STPG4: variants seen among roughly 807,000 people sequenced by gnomAD.
STPG4 encodes sperm-tail PG-rich repeat containing 4, also known as protein STPG4.
Under a neutral mutation model 31.5 loss-of-function variants are expected in STPG4, and 41 were observed. The ratio of observed to expected loss-of-function variants is 1.30; its 90% confidence interval spans 1.01 to 1.69. STPG4 has a LOEUF of 1.69. STPG4 is among the 40% of genes most tolerant of loss of function. The probability of loss-of-function intolerance (pLI) is 0.00; values close to 1 mark genes in which losing one functional copy is unlikely to be tolerated. For missense variants in STPG4, 375 were observed against 293.4 expected (o/e 1.28, Z -2.03); for synonymous variants, 141 against 103.0 (o/e 1.37, Z -2.24).
intron 5 of STPG4, among the ~76,000 whole-genome samples, chr2:47,107,587 C>A (rs1482582265): frequency 6.6e-6 from 1 of 152,210 alleles, no homozygotes; most frequent in South Asian, 2.1e-4. Flanking sequence ...TCCTGTGCAG[C>A]CCCAGCCTCC....
Position 47,127,414 on chromosome 2 carries a change from G to A in STPG4, c.519+2527C>T, listed in dbSNP as rs1001967569. Reference sequence around the variant, plus strand: ...CTCTCAAGTAGCAGGGATTACAGGTGTGCACCACCACACTCAGATGCTTTT... The same window carrying A: ...CTCTCAAGTAGCAGGGATTACAGGTATGCACCACCACACTCAGATGCTTTT... On this transcript the variant is annotated intron_variant, in intron 5 of 6. Transcript: ENST00000445927. Among the ~76,000 whole-genome samples the A allele has an allele frequency of 3.3e-5, 5 of 151,830 alleles. 1 individual carries two copies. The highest frequency in any genetic ancestry group is 2.6e-4 in the Admixed American group (4 of 15,240).
intron 4 of STPG4, 59 bp from the exon 5 acceptor site, chr2:47,130,054 G>C: frequency 6.8e-7 from 1 of 1,478,828 alleles, no homozygotes; most frequent in Non-Finnish European, 9.3e-7. Context: ...AAAGATCTTT[G>C]TTAACTTATT....
intron 3 of STPG4, among the ~76,000 whole-genome samples, chr2:47,137,335 G>C (rs1404750036): frequency 6.6e-6 from 1 of 152,110 alleles, no homozygotes; most frequent in Non-Finnish European, 1.5e-5. Flanking sequence ...AATCTCACTT[G>C]GTTGCGATGT....
chr2:47,155,098 G>C (rs576679293), intron 1 of STPG4, 73 bp downstream of exon 1: 1 of 1,420,516 alleles, frequency 7.0e-7, no homozygotes, highest in Non-Finnish European at 9.9e-7. Flanking sequence ...TGGGATTAGA[G>C]AGCGGTGGGA....
chr2:47,107,872 G>A (rs1685952361), intron 5 of STPG4, among the ~76,000 whole-genome samples: 1 of 152,154 alleles, frequency 6.6e-6, no homozygotes, highest in South Asian at 2.1e-4. Context: ...CAGGGTTTGT[G>A]AATGCATCAA....
intron 5 of STPG4, chr2:47,129,675 G>A (rs1187033093): frequency 5.7e-6 from 2 of 350,502 alleles, no homozygotes; most frequent in East Asian, 5.2e-5. Context: ...GGTAGTGTCA[G>A]TAATTCAAGA....
intron 6 of STPG4, among the ~76,000 whole-genome samples, chr2:47,087,808 G>A (rs1337668604): frequency 2.0e-5 from 3 of 151,946 alleles, no homozygotes; most frequent in Non-Finnish European, 2.9e-5. Context: ...AGTGTAGTGC[G>A]CGCTATCTCG....
chr2:47,154,909 G>C (rs1686998584), intron 1 of STPG4, among the ~76,000 whole-genome samples: 1 of 152,100 alleles, frequency 6.6e-6, no homozygotes, highest in Non-Finnish European at 1.5e-5. Flanking sequence ...GTAGTGGGAA[G>C]AAGGGAAAAA....
intron 5 of STPG4, among the ~76,000 whole-genome samples, chr2:47,095,992 T>C (rs932119083): frequency 9.2e-5 from 14 of 152,178 alleles, no homozygotes; most frequent in African/African-American, 3.4e-4. Context: ...AGGAGGAGTC[T>C]GATGCAGTAG....
chr2:47,122,095 T>A (rs1686284091), intron 5 of STPG4, among the ~76,000 whole-genome samples: 1 of 152,222 alleles, frequency 6.6e-6, no homozygotes, highest in African/African-American at 2.4e-5. Context: ...TCTCACACAC[T>A]TAAATGTTAG....
At chr2:47,091,519 G>T (rs2103724293) in intron 5 of STPG4, among the ~76,000 whole-genome samples, 1 of 152,096 alleles carries the variant, frequency 6.6e-6, no homozygotes, top group South Asian at 2.1e-4. Flanking sequence ...TTTTCAAATA[G>T]CTAGGGTTCC....
intron 3 of STPG4, among the ~76,000 whole-genome samples, chr2:47,141,030 G>A (rs765911782): frequency 1.1e-4 from 16 of 151,900 alleles, no homozygotes; most frequent in Non-Finnish European, 2.1e-4. Context: ...GTGACTACAG[G>A]TGTGTACCAC....
At chr2:47,127,268 T>G (rs1193953214) in intron 5 of STPG4, among the ~76,000 whole-genome samples, 1 of 112,534 alleles carries the variant, frequency 8.9e-6, no homozygotes, top group Non-Finnish European at 1.8e-5. Flanking sequence ...TTTTTTTTTT[T>G]TTTTTTTTTT....
intron 5 of STPG4, among the ~76,000 whole-genome samples, chr2:47,107,707 G>A (rs578117322): frequency 2.6e-5 from 4 of 152,304 alleles, no homozygotes; most frequent in East Asian, 1.9e-4. Context: ...CTGCAGCCCT[G>A]GTGCGGGATC....
At chr2:47,134,908 T>C (rs1456233963) in intron 3 of STPG4, among the ~76,000 whole-genome samples, 2 of 152,336 alleles carry the variant, frequency 1.3e-5, no homozygotes, top group South Asian at 2.1e-4. Context: ...CATATTTGTG[T>C]AGTATCTCAT....
intron 5 of STPG4, among the ~76,000 whole-genome samples, chr2:47,103,315 C>G (rs1169192922): frequency 6.6e-6 from 1 of 151,898 alleles, no homozygotes; most frequent in Non-Finnish European, 1.5e-5. Flanking sequence ...CCCTGTCACC[C>G]AAATCACTCG....
At chr2:47,114,158 C>G (rs1455692424) in intron 5 of STPG4, among the ~76,000 whole-genome samples, 1 of 151,836 alleles carries the variant, frequency 6.6e-6, no homozygotes, top group Non-Finnish European at 1.5e-5. Context: ...ATAGCTTAAG[C>G]CCAGGTGTTC....
intron 2 of STPG4, among the ~76,000 whole-genome samples, chr2:47,152,114 G>C (rs1686951072): frequency 2.6e-5 from 4 of 152,160 alleles, no homozygotes; most frequent in Admixed American, 1.3e-4. Context: ...TGGGATTCAA[G>C]CTTGACTATG....
At chr2:47,142,836 C>CT (rs10686388) in intron 3 of STPG4, among the ~76,000 whole-genome samples, 2,674 of 73,844 alleles carry the variant, frequency 0.036, 247 homozygotes, top group African/African-American at 0.078. Context: ...TTTATCTCAT[C>CT]TTTTTTTTTT....
Sources: allele counts gnomAD v4.1 joint callset (sites outside exome capture counted in the v4.1 genomes callset), GRCh38; gene constraint gnomAD v4.1.1; transcripts MANE v1.5; gene names NCBI Gene and HGNC (gene_info 2026-07-23, HGNC 2026-07-21).